Variants in FUT9 observed in about 807,000 individuals in gnomAD.
FUT9 encodes the protein fucosyltransferase 9, also known as 4-galactosyl-N-acetylglucosaminide 3-alpha-L-fucosyltransferase 9.
A neutral mutation model predicts 29.7 loss-of-function variants in FUT9; 15 were observed. The observed-to-expected ratio is 0.51, with a 90% CI of 0.34 to 0.78. FUT9 has a LOEUF of 0.78. FUT9 is among the 30% of genes least tolerant of loss of function. FUT9 has a pLI of 0.01. For missense variants in FUT9, 319 were observed against 425.4 expected (o/e 0.75, Z 2.20); for synonymous variants, 169 against 153.7 (o/e 1.10, Z -0.74).
chr6:96,087,032 C>T (rs943469125), intron 1 of FUT9, among the ~76,000 whole-genome samples: 2 of 152,186 alleles, frequency 1.3e-5, no homozygotes, highest in East Asian at 1.9e-4. Context: ...AGGAGACAAA[C>T]GTTACGCATA....
chr6:96,044,026 A>G (rs1231106556), intron 1 of FUT9, among the ~76,000 whole-genome samples: 1 of 152,194 alleles, frequency 6.6e-6, no homozygotes, highest in African/African-American at 2.4e-5. Flanking sequence ...TGCTTGATTT[A>G]AAATATATGT....
intron 2 of FUT9, among the ~76,000 whole-genome samples, chr6:96,116,480 G>C (rs1771913495): frequency 6.6e-6 from 1 of 151,874 alleles, no homozygotes; most frequent in Admixed American, 6.6e-5. Flanking sequence ...AAACAATATG[G>C]GAATATTTAC....
At chr6:96,017,166 C>T (rs995812197) in intron 1 of FUT9, among the ~76,000 whole-genome samples, 2 of 152,138 alleles carry the variant, frequency 1.3e-5, no homozygotes, top group Non-Finnish European at 2.9e-5. Context: ...GAGAGTAGCA[C>T]CAAACTTACC....
chr6:96,154,440 T>A (rs571178529), intron 2 of FUT9, among the ~76,000 whole-genome samples: 1 of 152,286 alleles, frequency 6.6e-6, no homozygotes, highest in African/African-American at 2.4e-5. Flanking sequence ...TAGTTGAAAA[T>A]TATAAGGCAT....
rs187789899 is a variant in FUT9, at chr6:96,017,615, C to A, written c.-98+1403C>A. Among the ~76,000 whole-genome samples the A allele has an allele frequency of 4.6e-5, 7 of 152,202 alleles. No individual in the cohort carries two copies. In the East Asian group the frequency reaches 1.4e-3, roughly 29 times the overall value. On this transcript the variant is annotated intron_variant, in intron 1 of 2. Coordinates refer to ENST00000302103, the MANE Select transcript of FUT9 (RefSeq NM_006581.4). ...TGAAAAGGCATTCATTTCAACATGGCATTGTACTCCATGGAACCCTTGGTC... is the reference window on the plus strand; with the variant it reads ...TGAAAAGGCATTCATTTCAACATGGAATTGTACTCCATGGAACCCTTGGTC...
intron 2 of FUT9, among the ~76,000 whole-genome samples, chr6:96,175,067 A>G (rs886440861): frequency 6.6e-5 from 10 of 152,040 alleles, no homozygotes; most frequent in African/African-American, 2.4e-5. Flanking sequence ...ATAATTAGGC[A>G]TTAGCTAGAT....
At chr6:96,153,903 A>C (rs1489663485) in intron 2 of FUT9, among the ~76,000 whole-genome samples, 1 of 152,194 alleles carries the variant, frequency 6.6e-6, no homozygotes, top group African/African-American at 2.4e-5. Context: ...AGCCAATCTC[A>C]ATCTGGAGAG....
At chr6:96,143,185 C>A (rs887511347) in intron 2 of FUT9, among the ~76,000 whole-genome samples, 1 of 152,108 alleles carries the variant, frequency 6.6e-6, no homozygotes, top group Non-Finnish European at 1.5e-5. Context: ...GGTATTAGAG[C>A]CCTTATAAAA....
chr6:96,178,175 C>A (rs1773240295), intron 2 of FUT9, among the ~76,000 whole-genome samples: 1 of 152,088 alleles, frequency 6.6e-6, no homozygotes, highest in Admixed American at 6.6e-5. Context: ...ACCAGGATGG[C>A]CAAGACAAGC....
At chr6:96,108,735 G>A (rs1224994240) in intron 1 of FUT9, among the ~76,000 whole-genome samples, 1 of 152,116 alleles carries the variant, frequency 6.6e-6, no homozygotes, top group Non-Finnish European at 1.5e-5. Context: ...TCGTTATTCA[G>A]TATTCACTTT....
chr6:96,184,505 T>G lies in FUT9; in HGVS notation c.-8-18643T>G, dbSNP rs185183612. On this transcript the variant is annotated intron_variant, in intron 2 of 2. Transcript: ENST00000302103. ...TTTCTTCTTCTGGGTTTGGGTTTGG[T>G]TTGTTATTGTTTCTCTAGTTCCTTG... Among the ~76,000 whole-genome samples, 8 of 152,142 alleles carry G rather than the reference T, an allele frequency of 5.3e-5. No homozygotes were observed. The East Asian group carries it at 1.5e-3, about 29-fold the overall frequency.
At chr6:96,113,800 G>C (rs997550248) in intron 1 of FUT9, among the ~76,000 whole-genome samples, 5 of 147,864 alleles carry the variant, frequency 3.4e-5, no homozygotes, top group African/African-American at 1.2e-4. Context: ...CTTGCAGTAA[G>C]CCGAGATCAT....
chr6:96,137,604 T>A (rs1228774113), intron 2 of FUT9, among the ~76,000 whole-genome samples: 1 of 152,076 alleles, frequency 6.6e-6, no homozygotes, highest in Non-Finnish European at 1.5e-5. Flanking sequence ...GAGTGGTAAG[T>A]TGTATTAACA....
chr6:96,187,406 T>C (rs1359699757), intron 2 of FUT9, among the ~76,000 whole-genome samples: 1 of 151,954 alleles, frequency 6.6e-6, no homozygotes, highest in Non-Finnish European at 1.5e-5. Context: ...ACACATCCAA[T>C]AGGGAGGAGC....
chr6:96,195,316 C>A (rs1441544285), intron 2 of FUT9, among the ~76,000 whole-genome samples: 3 of 147,344 alleles, frequency 2.0e-5, no homozygotes, highest in Non-Finnish European at 4.6e-5. Context: ...TGTTGGTGAT[C>A]AAAATTGGTG....
At position 96,072,805 on chromosome 6, in the gene FUT9, T is replaced by C. The variant is rs114769244; in HGVS notation, c.-97-41234T>C. Among the ~76,000 whole-genome samples, 931 of 152,354 alleles carry C rather than the reference T, an allele frequency of 6.1e-3. 15 individuals carry two copies. The highest frequency in any genetic ancestry group is 0.021 in the African/African-American group (888 of 41,590). ...TTAATAAAAATTGCACAAACATAGCTATGTAAAGTTTATAGTTACTCTAAG... is the reference window on the plus strand; with the variant it reads ...TTAATAAAAATTGCACAAACATAGCCATGTAAAGTTTATAGTTACTCTAAG... On this transcript the variant is annotated intron_variant, in intron 1 of 2. Coordinates refer to ENST00000302103, the MANE Select transcript of FUT9 (RefSeq NM_006581.4).
intron 1 of FUT9, among the ~76,000 whole-genome samples, chr6:96,104,934 G>A (rs1190604353): frequency 6.6e-6 from 1 of 152,120 alleles, no homozygotes; most frequent in Non-Finnish European, 1.5e-5. Context: ...CATTCTAAGT[G>A]TTTATTAGAA....
intron 1 of FUT9, among the ~76,000 whole-genome samples, chr6:96,056,787 T>C (rs1441485161): frequency 6.6e-6 from 1 of 152,056 alleles, no homozygotes; most frequent in Non-Finnish European, 1.5e-5. Context: ...TTAAAATTAG[T>C]CATCTAATGA....
intron 2 of FUT9, among the ~76,000 whole-genome samples, chr6:96,184,784 T>C (rs934089119): frequency 5.3e-5 from 8 of 152,116 alleles, no homozygotes; most frequent in Admixed American, 4.6e-4. Flanking sequence ...CTGGAGTTGA[T>C]TTCCAGTTTT....
Sources: gnomAD v4.1 joint callset for allele counts (sites outside exome capture counted in the v4.1 genomes callset) on GRCh38, gnomAD v4.1.1 for gene constraint, MANE v1.5 for transcripts, NCBI Gene and HGNC (gene_info 2026-07-23, HGNC 2026-07-21) for gene names.